The following ST6GAL1 variants were observed in gnomAD, a reference collection of about 807,000 sequenced individuals.
The protein encoded by ST6GAL1 is beta-galactoside alpha-2,6-sialyltransferase 1.
A neutral mutation model predicts 38.0 loss-of-function variants in ST6GAL1; 20 were observed. The observed-to-expected ratio is 0.53, with a 90% CI of 0.37 to 0.77. The LOEUF (loss-of-function observed/expected upper bound fraction) is 0.77, where lower values mean the gene tolerates loss of function less well. Among genes scored for constraint, ST6GAL1 ranks in the 30% least tolerant of loss-of-function variants. ST6GAL1 has a pLI of 0.00. For synonymous variants in ST6GAL1, 196 were observed against 188.2 expected, an observed-to-expected ratio of 1.04 and a Z score of -0.34; for missense variants, 432 against 496.4, an observed-to-expected ratio of 0.87 and a Z score of 1.23.
chr3:186,996,728 G>A (rs1716422476), intron 2 of ST6GAL1: 1 of 152,124 alleles, frequency 6.6e-6, no homozygotes, highest in African/African-American at 2.4e-5. Context: ...ATCATACCCT[G>A]ATGTTTTCTT....
At chr3:186,985,892 A>G (rs1715902710) in intron 2 of ST6GAL1, among the ~76,000 whole-genome samples, 1 of 152,348 alleles carries the variant, frequency 6.6e-6, no homozygotes, top group South Asian at 2.1e-4. Flanking sequence ...TGGGCATTTC[A>G]GGACTGGCAG....
chr3:186,969,332 C>A (rs186141836), intron 2 of ST6GAL1, among the ~76,000 whole-genome samples: 1 of 152,252 alleles, frequency 6.6e-6, no homozygotes, highest in Non-Finnish European at 1.5e-5. Flanking sequence ...GGATTACAGG[C>A]GTGAGCCACA....
chr3:186,984,806 TCCTTCCTTCCTTCCTTCCTTCC>T (rs1560151146), intron 2 of ST6GAL1, among the ~76,000 whole-genome samples: 232 of 25,766 alleles, frequency 9.0e-3, no homozygotes, highest in African/African-American at 0.01. Flanking sequence ...CTTCCTTCCA[TCCTTCCTTCCTTCCTTCCTTCC>T]CTCCCTCCCT....
chr3:186,959,516 CA>C lies in ST6GAL1; in HGVS notation c.-324-4260del, dbSNP rs376619704. 1.3e-3 allele frequency among the ~76,000 whole-genome samples: 196 copies of C among 150,822 alleles called. 3 individuals are homozygous for C. The highest frequency in any genetic ancestry group is 4.4e-3 in the African/African-American group (182 of 41,090). Reference sequence around the variant, plus strand: ...GCACCTGGCACACAGTAGTTGCTAACAAAAAAAAATTGAAATTAAAAATAAA... The same window carrying C: ...GCACCTGGCACACAGTAGTTGCTAACAAAAAAAATTGAAATTAAAAATAAA... On this transcript the variant is annotated intron_variant, in intron 1 of 7. Coordinates refer to ENST00000169298, the MANE Select transcript of ST6GAL1 (RefSeq NM_173216.2).
intron 2 of ST6GAL1, among the ~76,000 whole-genome samples, chr3:186,977,827 T>A (rs1715569323): frequency 6.6e-6 from 1 of 152,254 alleles, no homozygotes; most frequent in Non-Finnish European, 1.5e-5. Context: ...TTATTCCTTG[T>A]AGTGGTCACT....
chr3:187,029,637 G>A (rs954761742), intron 2 of ST6GAL1, among the ~76,000 whole-genome samples: 3 of 152,354 alleles, frequency 2.0e-5, no homozygotes, highest in African/African-American at 7.2e-5. Flanking sequence ...CCTCCTGGCA[G>A]TTAGGGATCG....
intron 1 of ST6GAL1, among the ~76,000 whole-genome samples, chr3:186,935,008 T>A (rs537789393): frequency 3.8e-4 from 58 of 152,226 alleles, no homozygotes; most frequent in African/African-American, 1.3e-3. Flanking sequence ...TTATTTTTTT[T>A]AAACTTTTAT....
intron 2 of ST6GAL1, among the ~76,000 whole-genome samples, chr3:186,993,478 T>C (rs901673697): frequency 1.3e-5 from 2 of 152,196 alleles, no homozygotes; most frequent in Non-Finnish European, 2.9e-5. Context: ...TAAACAGAGG[T>C]GCAGATTTGC....
At chr3:186,944,076 T>G (rs1714273080) in intron 1 of ST6GAL1, among the ~76,000 whole-genome samples, 2 of 152,242 alleles carry the variant, frequency 1.3e-5, no homozygotes, top group African/African-American at 4.8e-5. Flanking sequence ...TTCTGAGTCT[T>G]GGTTCTAGGG....
chr3:186,946,069 G>A (rs1714355168), intron 1 of ST6GAL1, among the ~76,000 whole-genome samples: 1 of 151,738 alleles, frequency 6.6e-6, no homozygotes, highest in Non-Finnish European at 1.5e-5. Flanking sequence ...CACTTTGGGA[G>A]GCCAAGCGGG....
intron 6 of ST6GAL1, 129 bp from the exon 7 acceptor site, chr3:187,074,030 G>C (rs1237516125): frequency 1.3e-6 from 1 of 792,914 alleles, no homozygotes; most frequent in Non-Finnish European, 1.9e-6. Context: ...TGCAAGAAAA[G>C]GGCTGTGCCT....
intron 2 of ST6GAL1, among the ~76,000 whole-genome samples, chr3:187,010,427 G>A (rs1036113633): frequency 6.6e-6 from 1 of 152,184 alleles, no homozygotes; most frequent in African/African-American, 2.4e-5. Flanking sequence ...GTTCCCACCC[G>A]TTTAGGGAGG....
At chr3:187,054,326 C>G (rs1343871072) in intron 5 of ST6GAL1, among the ~76,000 whole-genome samples, 1 of 152,192 alleles carries the variant, frequency 6.6e-6, no homozygotes, top group African/African-American at 2.4e-5. Flanking sequence ...GCCAGAACTT[C>G]CAACACTATG....
chr3:187,024,474 GTATA>G lies in ST6GAL1; in HGVS notation c.-182-14251_-182-14248del, dbSNP rs68068581. 6.2e-3 allele frequency among the ~76,000 whole-genome samples: 837 copies of G among 135,218 alleles called. 2 individuals carry two copies. The highest frequency in any genetic ancestry group is 0.01 in the African/African-American group (367 of 35,570). 88.7% of individuals were successfully genotyped at this position (135,218 alleles called of 152,430 possible). On this transcript the variant is annotated intron_variant, in intron 2 of 7. Coordinates refer to ENST00000169298, the MANE Select transcript of ST6GAL1 (RefSeq NM_173216.2). ...CACACATATATACACATATATATGTGTATATATATATATATATATAGAGAGAGAG... is the reference window on the plus strand; with the variant it reads ...CACACATATATACACATATATATGTGTATATATATATATATAGAGAGAGAG...
At chr3:186,941,660 CA>C (rs1414977977) in intron 1 of ST6GAL1, among the ~76,000 whole-genome samples, 1 of 152,064 alleles carries the variant, frequency 6.6e-6, no homozygotes, top group Non-Finnish European at 1.5e-5. Context: ...AGCTACCCAA[CA>C]ATGGAACAAG....
Position 186,984,756 on chromosome 3 carries a change from C to T in ST6GAL1, c.-183+20830C>T, listed in dbSNP as rs1357688714. On this transcript the variant is annotated intron_variant, in intron 2 of 7. Coordinates refer to ENST00000169298, the MANE Select transcript of ST6GAL1 (RefSeq NM_173216.2). ...CTTCCTTCCTTCCCTCCCTCCCTCCCTCCCTCCCTCCTTCCTTCCTTCCCT... is the reference window on the plus strand; with the variant it reads ...CTTCCTTCCTTCCCTCCCTCCCTCCTTCCCTCCCTCCTTCCTTCCTTCCCT... Among the ~76,000 whole-genome samples, 41 of 41,434 alleles carry T rather than the reference C, an allele frequency of 9.9e-4. 1 individual carries two copies. The highest frequency in any genetic ancestry group is 1.2e-3 in the Non-Finnish European group (24 of 19,302). 27.2% of individuals were successfully genotyped at this position (41,434 alleles called of 152,430 possible).
At chr3:186,951,654 G>T (rs1306587372) in intron 1 of ST6GAL1, among the ~76,000 whole-genome samples, 2 of 152,034 alleles carry the variant, frequency 1.3e-5, no homozygotes, top group Non-Finnish European at 2.9e-5. Flanking sequence ...CTCTCTTCAA[G>T]TCTCTAACAC....
intron 2 of ST6GAL1, among the ~76,000 whole-genome samples, chr3:187,036,884 CAT>C (rs1440917334): frequency 6.6e-6 from 1 of 152,158 alleles, no homozygotes; most frequent in East Asian, 1.9e-4. Context: ...CTGAATCTAA[CAT>C]ATAAATTAAA....
chr3:187,010,143 T>A (rs1351332253), intron 2 of ST6GAL1, among the ~76,000 whole-genome samples: 1 of 152,222 alleles, frequency 6.6e-6, no homozygotes, highest in Non-Finnish European at 1.5e-5. Context: ...GACATAAAAC[T>A]GCAGTCTTTG....
Sources: allele counts gnomAD v4.1 joint callset (sites outside exome capture counted in the v4.1 genomes callset), GRCh38; gene constraint gnomAD v4.1.1; transcripts MANE v1.5; gene names NCBI Gene and HGNC (gene_info 2026-07-23, HGNC 2026-07-21).